The following NT5DC1 variants were observed in gnomAD, a reference collection of about 807,000 sequenced individuals.
NT5DC1 encodes the protein 5'-nucleotidase domain containing 1, also known as 5'-nucleotidase domain-containing protein 1.
Under a neutral mutation model 59.4 loss-of-function variants are expected in NT5DC1, and 42 were observed. The ratio of observed to expected loss-of-function variants is 0.71; its 90% confidence interval spans 0.55 to 0.92. The LOEUF (loss-of-function observed/expected upper bound fraction) is 0.92, where lower values mean the gene tolerates loss of function less well. Among genes scored for constraint, NT5DC1 ranks in the 40% least tolerant of loss-of-function variants. The pLI is 0.00. For missense variants in NT5DC1, 501 were observed against 537.1 expected (o/e 0.93, Z 0.66); for synonymous variants, 172 against 188.1 (o/e 0.91, Z 0.70).
chr6:116,112,816 A>G (rs1275522512), intron 4 of NT5DC1, among the ~76,000 whole-genome samples: 1 of 152,216 alleles, frequency 6.6e-6, no homozygotes, highest in Admixed American at 6.5e-5. Flanking sequence ...AAATTTTGGT[A>G]AATATTGCCA....
chr6:116,180,676 A>G (rs1780855281), intron 6 of NT5DC1, among the ~76,000 whole-genome samples: 1 of 152,126 alleles, frequency 6.6e-6, no homozygotes, highest in Non-Finnish European at 1.5e-5. Context: ...TTACCAGTTC[A>G]TAGGAACTAG....
In NT5DC1 at chr6:116,243,908, G is replaced by T; in HGVS notation, c.1253-1G>T. The T allele has an allele frequency of 1.5e-6, 2 of 1,348,790 alleles. No homozygotes were observed. The highest frequency in any genetic ancestry group is 1.5e-5 in the African/African-American group (1 of 68,326). 83.6% of individuals were successfully genotyped at this position (1,348,790 alleles called of 1,614,324 possible). A position where few individuals can be genotyped will look rare whatever the true frequency, so the allele number is the denominator to read the frequency against. On this transcript the variant is annotated splice_acceptor_variant, in intron 11 of 11. Transcript: ENST00000319550. LOFTEE classifies it high-confidence loss of function. The stretch of plus-strand genomic sequence containing the variant: ...TAATTAAATTTTTTTTTCCTCCCCA[G>T]AATTACCTCTGGACTACAAATTTAC...
intron 6 of NT5DC1, chr6:116,122,016 A>G: frequency 6.8e-7 from 1 of 1,463,386 alleles, no homozygotes. Flanking sequence ...AGTGACATTA[A>G]AGAGAATCAT....
intron 8 of NT5DC1, among the ~76,000 whole-genome samples, chr6:116,225,397 G>A (rs1289436362): frequency 6.6e-6 from 1 of 152,132 alleles, no homozygotes; most frequent in Non-Finnish European, 1.5e-5. Context: ...CAAAAGGCCT[G>A]GACCAAGCCC....
chr6:116,230,107 C>G (rs1379567278), intron 8 of NT5DC1, among the ~76,000 whole-genome samples: 1 of 152,108 alleles, frequency 6.6e-6, no homozygotes, highest in Non-Finnish European at 1.5e-5. Flanking sequence ...GCTTAATATA[C>G]CTGGGAAATC....
intron 7 of NT5DC1, among the ~76,000 whole-genome samples, chr6:116,222,794 CT>C (rs796666277): frequency 2.0e-5 from 3 of 152,072 alleles, no homozygotes; most frequent in African/African-American, 4.8e-5. Context: ...GTGCTACTCT[CT>C]TTTTTTTCCT....
intron 8 of NT5DC1, among the ~76,000 whole-genome samples, chr6:116,228,423 G>T (rs1781948894): frequency 6.6e-6 from 1 of 152,022 alleles, no homozygotes; most frequent in Non-Finnish European, 1.5e-5. Flanking sequence ...CAGGAGAATC[G>T]CTTGAACCTG....
intron 10 of NT5DC1, 111 bp from the exon 11 acceptor site, chr6:116,238,835 CAAAGCCTAT>C: frequency 1.6e-6 from 1 of 628,972 alleles, no homozygotes; most frequent in Middle Eastern, 4.2e-4. Flanking sequence ...AATGTGGGCC[CAAAGCCTAT>C]TTGTAGATTC....
Position 116,249,493 on chromosome 6 carries a change from C to T in NT5DC1, c.*5469C>T, listed in dbSNP as rs183676572. 1 of 152,268 alleles carries T rather than the reference C, an allele frequency of 6.6e-6. No homozygotes were observed. Among genetic ancestry groups the T allele is most frequent in the East Asian group, 1.9e-4 (1 of 5,188 alleles). 9.4% of individuals were successfully genotyped at this position (152,268 alleles called of 1,614,324 possible). A position where few individuals can be genotyped will look rare whatever the true frequency, so the allele number is the denominator to read the frequency against. Reference sequence around the variant, plus strand: ...ATTACCGGTAATTAAAGTTGTGATACCTGATATCATTTGTCTCTAGACATT... The same window carrying T: ...ATTACCGGTAATTAAAGTTGTGATATCTGATATCATTTGTCTCTAGACATT... On this transcript the variant is annotated 3_prime_UTR_variant, in exon 12 of 12. Coordinates refer to ENST00000319550, the MANE Select transcript of NT5DC1 (RefSeq NM_152729.3).
chr6:116,149,584 A>G (rs1363100299), intron 6 of NT5DC1, among the ~76,000 whole-genome samples: 1 of 152,220 alleles, frequency 6.6e-6, no homozygotes, highest in Non-Finnish European at 1.5e-5. Flanking sequence ...GAACCAAAGG[A>G]TGACTGTCGA....
chr6:116,151,108 C>T (rs1780026886), intron 6 of NT5DC1, among the ~76,000 whole-genome samples: 1 of 152,112 alleles, frequency 6.6e-6, no homozygotes, highest in African/African-American at 2.4e-5. Context: ...GAATTTGCAG[C>T]TCCTAATTGC....
intron 6 of NT5DC1, chr6:116,119,923 G>A (rs1779057441): frequency 4.0e-6 from 3 of 746,002 alleles, no homozygotes; most frequent in Non-Finnish European, 6.8e-6. Flanking sequence ...CTTTTCAGGG[G>A]GAAGGTTTGT....
At chr6:116,172,078 GT>G (rs902598071) in intron 6 of NT5DC1, among the ~76,000 whole-genome samples, 1 of 152,102 alleles carries the variant, frequency 6.6e-6, no homozygotes, top group African/African-American at 2.4e-5. Context: ...TGGTTTCAGT[GT>G]TTTTTCCATC....
At chr6:116,221,365 C>T in intron 7 of NT5DC1, 137 bp downstream of exon 7, 1 of 596,536 alleles carries the variant, frequency 1.7e-6, no homozygotes, top group Admixed American at 2.8e-5. Context: ...TTTTTTTTCT[C>T]ATGACATACC....
intron 6 of NT5DC1, among the ~76,000 whole-genome samples, chr6:116,152,704 A>T (rs1176069636): frequency 6.6e-6 from 1 of 152,000 alleles, no homozygotes. Context: ...TTTTTCCTCC[A>T]TCTTTTTACA....
chr6:116,150,549 C>G (rs1054827088), intron 6 of NT5DC1, among the ~76,000 whole-genome samples: 2 of 152,072 alleles, frequency 1.3e-5, no homozygotes. Flanking sequence ...CCTCCCAAAA[C>G]GCTGGGATTA....
intron 6 of NT5DC1, among the ~76,000 whole-genome samples, chr6:116,181,183 A>T (rs1780865090): frequency 6.6e-6 from 1 of 152,030 alleles, no homozygotes. Context: ...CTACTGTTAC[A>T]TGTGTCTGAA....
chr6:116,101,601 A>G lies in NT5DC1; in HGVS notation c.93+578A>G, dbSNP rs772505752. 7.9e-5 allele frequency among the ~76,000 whole-genome samples: 12 copies of G among 152,318 alleles called. No homozygotes were observed. The East Asian group carries it at 1.3e-3, about 17-fold the overall frequency. The stretch of plus-strand genomic sequence containing the variant: ...CTTAGCCCTAGTTTTACCTTCTATC[A>G]AGAGAAGAAAATACATATTTATTGC... On this transcript the variant is annotated intron_variant, in intron 1 of 11. Transcript: ENST00000319550.
intron 8 of NT5DC1, among the ~76,000 whole-genome samples, chr6:116,232,405 A>C (rs566614038): frequency 6.6e-6 from 1 of 152,254 alleles, no homozygotes; most frequent in African/African-American, 2.4e-5. Context: ...ACATGGAGGA[A>C]AAGAATATAC....
Sources: allele counts gnomAD v4.1 joint callset (sites outside exome capture counted in the v4.1 genomes callset), GRCh38; gene constraint gnomAD v4.1.1; transcripts MANE v1.5; gene names NCBI Gene and HGNC (gene_info 2026-07-23, HGNC 2026-07-21).